The following PRDM16 variants were observed in gnomAD, a reference collection of about 807,000 sequenced individuals.
The protein encoded by PRDM16 is histone-lysine N-methyltransferase PRDM16.
PRDM16 carries 23 observed loss-of-function variants against 110.6 expected under a neutral mutation model. The observed-to-expected ratio is 0.21, with a 90% confidence interval of 0.15 to 0.29. The LOEUF is 0.29. PRDM16 is among the 10% of genes least tolerant of loss of function. The pLI, the probability that PRDM16 is intolerant of heterozygous loss-of-function variation, is 1.00. For missense variants in PRDM16, 1,615 were observed against 1,794.3 expected (o/e 0.90, Z 1.81); for synonymous variants, 799 against 781.8 (o/e 1.02, Z -0.37).
At chr1:3,193,038 G>A (rs1453894997) in intron 2 of PRDM16, among the ~76,000 whole-genome samples, 4 of 151,592 alleles carry the variant, frequency 2.6e-5, no homozygotes, top group African/African-American at 4.8e-5. Flanking sequence ...GCGGCCAGAC[G>A]GCGAGTACCC....
intron 2 of PRDM16, among the ~76,000 whole-genome samples, chr1:3,240,056 A>AGG (rs1220138751): frequency 1.1e-3 from 109 of 103,388 alleles, no homozygotes; most frequent in Non-Finnish European, 1.4e-3. Context: ...AGGAGAGGAG[A>AGG]AGAGGAGAGG....
chr1:3,269,516 G>T (rs1569962026), intron 3 of PRDM16, among the ~76,000 whole-genome samples: 3 of 145,410 alleles, frequency 2.1e-5, no homozygotes, highest in South Asian at 4.5e-4. Flanking sequence ...GAGGACAGTT[G>T]GGAGGAGGAC....
intron 1 of PRDM16, among the ~76,000 whole-genome samples, chr1:3,122,693 C>A (rs1196616300): frequency 1.3e-5 from 2 of 152,168 alleles, no homozygotes; most frequent in African/African-American, 2.4e-5. Context: ...GTGCTGCCCC[C>A]ACACTAAAAA....
At chr1:3,410,107 CGT>C (rs1300080245) in intron 8 of PRDM16, among the ~76,000 whole-genome samples, 7 of 117,630 alleles carry the variant, frequency 6.0e-5, no homozygotes, top group African/African-American at 1.3e-4. Context: ...TGTGTGTGTG[CGT>C]GTGTGTGGTG....
chr1:3,230,665 T>A (rs1639385635), intron 2 of PRDM16, among the ~76,000 whole-genome samples: 1 of 152,214 alleles, frequency 6.6e-6, no homozygotes, highest in African/African-American at 2.4e-5. Context: ...AGAAGGCAGC[T>A]CCGACGCGGC....
chr1:3,420,056 A>G (rs1638386411), intron 12 of PRDM16, among the ~76,000 whole-genome samples: 1 of 152,108 alleles, frequency 6.6e-6, no homozygotes, highest in Non-Finnish European at 1.5e-5. Flanking sequence ...CGACTTCTGG[A>G]CAGCGTTGTG....
At chr1:3,283,827 C>T (rs1374728368) in intron 3 of PRDM16, among the ~76,000 whole-genome samples, 4 of 152,230 alleles carry the variant, frequency 2.6e-5, no homozygotes, top group Admixed American at 2.6e-4. Context: ...GGTGGTGTTG[C>T]GGCCACACAG....
chr1:3,356,198 G>A (rs1642595447), intron 3 of PRDM16, among the ~76,000 whole-genome samples: 1 of 152,246 alleles, frequency 6.6e-6, no homozygotes, highest in South Asian at 2.1e-4. Flanking sequence ...CGCGGGCACA[G>A]ATGAATCACG....
chr1:3,426,067 G>A lies in PRDM16; in HGVS notation c.3126G>A (p.Gly1042=), dbSNP rs2100693181. The change falls in exon 14 of 17, where the codon GGG becomes GGA. Residue 1042 remains glycine, a synonymous_variant. Coordinates refer to ENST00000270722, the MANE Select transcript of PRDM16 (RefSeq NM_022114.4). The part of the protein sequence containing the change: ...HENAPVSQHP[G]VLTNHLGTSA... ...CCTCCGCAGTGAGCCAGCACCCCGG[G>A]GTCCTCACGAACCACCTGGGGACCA... 5 of 1,613,468 alleles carry A rather than the reference G, an allele frequency of 3.1e-6. No homozygotes were observed. Among genetic ancestry groups the A allele is most frequent in the African/African-American group, 1.3e-5 (1 of 75,002 alleles).
chr1:3,137,391 TGAGA>T (rs568658530), intron 1 of PRDM16, among the ~76,000 whole-genome samples: 1 of 152,138 alleles, frequency 6.6e-6, no homozygotes, highest in African/African-American at 2.4e-5. Context: ...TCATCATGTG[TGAGA>T]GAGAGAGGCT....
rs1455161726 is a variant in PRDM16 at position 3,339,937 on chromosome 1, G to A, written c.439-45215G>A. 2.0e-5 allele frequency among the ~76,000 whole-genome samples: 3 copies of A among 152,208 alleles called. No individual in the cohort carries two copies. The highest frequency in any genetic ancestry group is 7.2e-5 in the African/African-American group (3 of 41,446). On this transcript the variant is annotated intron_variant, in intron 3 of 16. Transcript: ENST00000270722. The surrounding 1 kb of genome is among the most constrained non-coding windows in gnomAD (Gnocchi z 5.0). ...TTGGAAGGGCCACCAGGCAAGTGGG[G>A]CTGGGGGGAACAGGTGTGCCATCCC...
chr1:3,368,182 C>T (rs1055834582), intron 3 of PRDM16, among the ~76,000 whole-genome samples: 1 of 152,198 alleles, frequency 6.6e-6, no homozygotes, highest in Admixed American at 6.5e-5. Context: ...CTTCCAGAGC[C>T]ACCCGCCCGT....
At chr1:3,103,883 T>G (rs1642587877) in intron 1 of PRDM16, among the ~76,000 whole-genome samples, 3 of 152,230 alleles carry the variant, frequency 2.0e-5, no homozygotes, top group Non-Finnish European at 4.4e-5. Context: ...CAATTCTGTA[T>G]GTTTTTTAAA....
intron 1 of PRDM16, among the ~76,000 whole-genome samples, chr1:3,184,405 G>A (rs1022851787): frequency 3.9e-5 from 6 of 152,292 alleles, no homozygotes; most frequent in Non-Finnish European, 7.4e-5. Context: ...GGCGGGGGCC[G>A]GGAGGCGAGG....
intron 3 of PRDM16, among the ~76,000 whole-genome samples, chr1:3,368,031 A>G (rs1642845798): frequency 6.6e-6 from 1 of 152,240 alleles, no homozygotes; most frequent in Non-Finnish European, 1.5e-5. Context: ...TTTGGGGAAC[A>G]TTCTGTACCT....
rs369736970 is a variant in PRDM16 at position 3,154,693 on chromosome 1, C to T, written c.38-31432C>T. On this transcript the variant is annotated intron_variant, in intron 1 of 16. Transcript: ENST00000270722. ...CTGGCGAGGAGACCTTGGTGCTGGT[C>T]GCGGTGGAGGAAGGCATGGAGCCCT... Among the ~76,000 whole-genome samples the T allele has an allele frequency of 1.8e-4, 27 of 152,252 alleles. No individual in the cohort carries two copies. In the South Asian group the frequency reaches 4.8e-3, roughly 27 times the overall value.
intron 2 of PRDM16, among the ~76,000 whole-genome samples, chr1:3,225,317 G>A (rs900762692): frequency 3.9e-5 from 6 of 152,274 alleles, no homozygotes; most frequent in African/African-American, 9.6e-5. Flanking sequence ...GGCAAACGGC[G>A]GTTTGGGATT....
At chr1:3,163,739 C>A (rs1036982159) in intron 1 of PRDM16, among the ~76,000 whole-genome samples, 1 of 152,194 alleles carries the variant, frequency 6.6e-6, no homozygotes, top group African/African-American at 2.4e-5. Flanking sequence ...CATCGCCCAG[C>A]CTCAGCCTCT....
chr1:3,348,240 G>A (rs928466965), intron 3 of PRDM16, among the ~76,000 whole-genome samples: 2 of 152,188 alleles, frequency 1.3e-5, no homozygotes, highest in African/African-American at 4.8e-5. Context: ...AGGCTCGCTG[G>A]CTCAGCCCAG....
Sources: gnomAD v4.1 joint callset for allele counts (sites outside exome capture counted in the v4.1 genomes callset) on GRCh38, gnomAD v4.1.1 for gene constraint, Gnocchi (gnomAD v3.1) non-coding constraint, MANE v1.5 for transcripts, NCBI Gene and HGNC (gene_info 2026-07-23, HGNC 2026-07-21) for gene names.